GPC6: variants seen among roughly 807,000 people sequenced by gnomAD.
The protein encoded by GPC6 is glypican 6.
GPC6 carries 14 observed loss-of-function variants against 55.2 expected under a neutral mutation model. The observed-to-expected ratio is 0.25, with a 90% CI of 0.17 to 0.40. The LOEUF is 0.40. GPC6 is among the 10% of genes least tolerant of loss of function. GPC6 has a pLI of 1.00. For missense variants in GPC6, 641 were observed against 708.5 expected (o/e 0.90, Z 1.08); for synonymous variants, 278 against 259.6 (o/e 1.07, Z -0.68).
intron 1 of GPC6, among the ~76,000 whole-genome samples, chr13:93,457,435 A>G (rs1391444820): frequency 2.0e-5 from 3 of 152,178 alleles, no homozygotes; most frequent in Non-Finnish European, 2.9e-5. Context: ...CTCAACAGAT[A>G]ATGTAGGTTA....
intron 4 of GPC6, among the ~76,000 whole-genome samples, chr13:94,172,868 T>C (rs1248106550): frequency 6.6e-6 from 1 of 152,146 alleles, no homozygotes; most frequent in Non-Finnish European, 1.5e-5. Flanking sequence ...CTGAGTAAAG[T>C]TCAGATAGAC....
intron 1 of GPC6, among the ~76,000 whole-genome samples, chr13:93,322,255 GC>G (rs1879470725): frequency 6.6e-6 from 1 of 151,880 alleles, no homozygotes; most frequent in Non-Finnish European, 1.5e-5. Context: ...CAGGTATTAA[GC>G]CTAGTACCCA....
At chr13:93,906,006 T>G (rs1351589335) in intron 3 of GPC6, among the ~76,000 whole-genome samples, 2 of 152,176 alleles carry the variant, frequency 1.3e-5, no homozygotes, top group African/African-American at 4.8e-5. Flanking sequence ...ACATGTTGCA[T>G]TAGAAATCTT....
At chr13:94,312,653 GA>G (rs1876304705) in intron 6 of GPC6, among the ~76,000 whole-genome samples, 1 of 152,048 alleles carries the variant, frequency 6.6e-6, no homozygotes, top group Non-Finnish European at 1.5e-5. Context: ...GTGTTTAGGT[GA>G]AACTGATATT....
chr13:93,344,430 C>T (rs1304522049), intron 1 of GPC6, among the ~76,000 whole-genome samples: 1 of 152,144 alleles, frequency 6.6e-6, no homozygotes, highest in African/African-American at 2.4e-5. Context: ...TCTTCCTTAT[C>T]TCTCTTGAGG....
chr13:93,827,781 C>A (rs1887318407), intron 2 of GPC6, among the ~76,000 whole-genome samples: 2 of 152,084 alleles, frequency 1.3e-5, no homozygotes. Context: ...CTAATTTAAA[C>A]TTGGGAAAAA....
intron 2 of GPC6, among the ~76,000 whole-genome samples, chr13:93,609,629 T>A (rs976150531): frequency 1.3e-5 from 2 of 152,228 alleles, no homozygotes; most frequent in African/African-American, 4.8e-5. Flanking sequence ...GCTGCCTGAT[T>A]GATCTCCTAA....
At position 93,830,226 on chromosome 13, in the gene GPC6, T is replaced by C. The variant is rs1234543954; in HGVS notation, c.392T>C (p.Leu131Pro). The C allele has an allele frequency of 3.7e-6, 6 of 1,602,944 alleles. No homozygotes were observed. Among genetic ancestry groups the C allele is most frequent in the Non-Finnish European group, 5.1e-6 (6 of 1,171,180 alleles). ...ATGTTTGTACGGACCTATGGCATGC[T>C]GTACATGCAGAATTCAGAAGTCTTC... ...NDMFVRTYGMLYMQNSEVFQD... is the reference protein window; with the variant it reads ...NDMFVRTYGMPYMQNSEVFQD... Residue 131 changes from leucine (L) to proline (P), a missense_variant, in exon 3 of 9, where the codon CTG becomes CCG. Transcript: ENST00000377047.
chr13:94,385,059 C>T (rs35071333), intron 7 of GPC6, among the ~76,000 whole-genome samples: 1 of 151,860 alleles, frequency 6.6e-6, no homozygotes, highest in Non-Finnish European at 1.5e-5. Context: ...AGCCAAGATA[C>T]AGAAACCCTG....
At chr13:93,938,973 G>T (rs9524281) in intron 3 of GPC6, among the ~76,000 whole-genome samples, 100,641 of 151,938 alleles carry the variant, frequency 0.66, 33,521 homozygotes, top group Non-Finnish European at 0.69. Context: ...GTGGTGACAC[G>T]TGCCTGTAGT....
At chr13:93,238,657 T>G (rs1421352382) in intron 1 of GPC6, among the ~76,000 whole-genome samples, 1 of 151,340 alleles carries the variant, frequency 6.6e-6, no homozygotes, top group African/African-American at 2.4e-5. Flanking sequence ...GTTCCACTTA[T>G]TAAGGGAAAT....
chr13:93,717,839 A>C lies in GPC6; in HGVS notation c.320-112315A>C, dbSNP rs370392300. ...TATGTTCTCATTGTTCAACTCCCAC[A>C]TATTAGTGAGAACGTGCAGTGTTTG... On this transcript the variant is annotated intron_variant, in intron 2 of 8. Coordinates refer to ENST00000377047, the MANE Select transcript of GPC6 (RefSeq NM_005708.5). Among the ~76,000 whole-genome samples the C allele has an allele frequency of 9.2e-5, 14 of 151,498 alleles. No individual in the cohort carries two copies. The East Asian group carries it at 2.7e-3, about 30-fold the overall frequency.
chr13:93,256,633 C>T (rs927917668), intron 1 of GPC6, among the ~76,000 whole-genome samples: 1 of 152,016 alleles, frequency 6.6e-6, no homozygotes, highest in Non-Finnish European at 1.5e-5. Flanking sequence ...CATTTGATTC[C>T]TAGAAAACAA....
chr13:93,445,700 G>A (rs1877974221), intron 1 of GPC6, among the ~76,000 whole-genome samples: 1 of 152,166 alleles, frequency 6.6e-6, no homozygotes, highest in Non-Finnish European at 1.5e-5. Context: ...TTGTTAATGG[G>A]ATCTTATTCA....
intron 5 of GPC6, among the ~76,000 whole-genome samples, chr13:94,295,140 T>C (rs1314808421): frequency 6.6e-6 from 1 of 152,208 alleles, no homozygotes; most frequent in Non-Finnish European, 1.5e-5. Flanking sequence ...GACATGAGAC[T>C]GACATGGGAT....
intron 1 of GPC6, among the ~76,000 whole-genome samples, chr13:93,246,459 T>C (rs1358524355): frequency 1.3e-5 from 2 of 152,046 alleles, no homozygotes; most frequent in Non-Finnish European, 2.9e-5. Context: ...CCATTTTCTT[T>C]GCAAAGAAAA....
chr13:94,148,046 T>C (rs998836729), intron 4 of GPC6, among the ~76,000 whole-genome samples: 78 of 152,194 alleles, frequency 5.1e-4, no homozygotes, highest in African/African-American at 1.4e-3. Context: ...TAATTAATGG[T>C]GTGTGTATAT....
chr13:93,977,517 TGG>T (rs1416549180), intron 3 of GPC6, among the ~76,000 whole-genome samples: 69 of 95,936 alleles, frequency 7.2e-4, no homozygotes, highest in Admixed American at 2.2e-3. Flanking sequence ...TGTGTGTGTG[TGG>T]TGTGTCTTTA....
intron 2 of GPC6, among the ~76,000 whole-genome samples, chr13:93,796,756 A>C (rs1051278012): frequency 1.3e-5 from 2 of 152,176 alleles, no homozygotes; most frequent in African/African-American, 4.8e-5. Flanking sequence ...ATGAGTACTT[A>C]GGAGAGGAAT....
Sources: gnomAD v4.1 joint callset for allele counts (sites outside exome capture counted in the v4.1 genomes callset) on GRCh38, gnomAD v4.1.1 for gene constraint, MANE v1.5 for transcripts, NCBI Gene and HGNC (gene_info 2026-07-23, HGNC 2026-07-21) for gene names.